Variants in SLC44A5 observed in about 807,000 individuals in gnomAD.
SLC44A5 encodes choline transporter-like protein 5.
SLC44A5 carries 57 observed loss-of-function variants against 101.8 expected under a neutral mutation model. That is an observed-to-expected ratio of 0.56 (90% confidence interval 0.45 to 0.70). The LOEUF (loss-of-function observed/expected upper bound fraction) is 0.70. Among genes scored for constraint, SLC44A5 ranks in the 30% least tolerant of loss-of-function variants. The pLI is 0.00. For missense variants in SLC44A5, 737 were observed against 853.1 expected (o/e 0.86, Z 1.70); for synonymous variants, 281 against 290.9 (o/e 0.97, Z 0.35).
chr1:75,711,735 T>C, the SLC44A5 span, among the ~76,000 whole-genome samples: 10 of 152,342 alleles, frequency 6.6e-5, no homozygotes, highest in African/African-American at 2.4e-4. Context: ...ATGTGTTCTA[T>C]CTTGTTTGTC....
intron 13 of SLC44A5, 128 bp from the exon 14 acceptor site, chr1:75,222,588 G>A (rs1321006533): frequency 1.7e-6 from 1 of 576,192 alleles, no homozygotes; most frequent in Non-Finnish European, 3.1e-6. Context: ...TCTAAGAAGT[G>A]TTATCTCTCC....
chr1:75,454,936 A>G (rs1375204670), intron 2 of SLC44A5, among the ~76,000 whole-genome samples: 1 of 152,152 alleles, frequency 6.6e-6, no homozygotes, highest in African/African-American at 2.4e-5. Flanking sequence ...AAATATCATT[A>G]AAATGAACAT....
intron 2 of SLC44A5, among the ~76,000 whole-genome samples, chr1:75,479,746 GT>G (rs1259451195): frequency 5.9e-5 from 9 of 152,184 alleles, no homozygotes; most frequent in African/African-American, 2.2e-4. Context: ...CTCTGAAATT[GT>G]GGCAATAATC....
the SLC44A5 span, among the ~76,000 whole-genome samples, chr1:75,659,142 A>G: frequency 6.6e-6 from 1 of 151,792 alleles, no homozygotes; most frequent in Non-Finnish European, 1.5e-5. Flanking sequence ...AGAGTTTCCC[A>G]TCAAAGAAAA....
intron 6 of SLC44A5, among the ~76,000 whole-genome samples, chr1:75,267,423 G>A (rs929850843): frequency 1.6e-4 from 24 of 151,832 alleles, no homozygotes; most frequent in African/African-American, 4.4e-4. Context: ...TGGAAAATTC[G>A]GTAGGAATAT....
chr1:75,700,183 C>T, the SLC44A5 span, among the ~76,000 whole-genome samples: 5 of 152,228 alleles, frequency 3.3e-5, no homozygotes, highest in African/African-American at 1.2e-4. Context: ...AAATCTCCAC[C>T]CCGAATCAAC....
the SLC44A5 span, among the ~76,000 whole-genome samples, chr1:75,658,245 T>C: frequency 6.6e-6 from 1 of 150,406 alleles, no homozygotes; most frequent in East Asian, 1.9e-4. Flanking sequence ...GGCTAATTTT[T>C]CTATTTTTTT....
intron 18 of SLC44A5, among the ~76,000 whole-genome samples, chr1:75,217,187 C>T (rs1646978870): frequency 6.6e-6 from 1 of 152,042 alleles, no homozygotes; most frequent in African/African-American, 2.4e-5. Context: ...ATTTTCCCAG[C>T]ACCATTAGTT....
intron 6 of SLC44A5, among the ~76,000 whole-genome samples, chr1:75,272,884 C>T (rs563236869): frequency 3.9e-5 from 6 of 151,986 alleles, no homozygotes; most frequent in African/African-American, 7.2e-5. Flanking sequence ...TTTTTTATTC[C>T]GTATGAATTT....
intron 3 of SLC44A5, among the ~76,000 whole-genome samples, chr1:75,386,190 T>G (rs537511817): frequency 6.6e-6 from 1 of 152,130 alleles, no homozygotes; most frequent in African/African-American, 2.4e-5. Context: ...TTCAACATAG[T>G]GTTGGAAGTT....
At chr1:75,483,847 G>A (rs1668007233) in intron 2 of SLC44A5, among the ~76,000 whole-genome samples, 1 of 152,090 alleles carries the variant, frequency 6.6e-6, no homozygotes, top group Admixed American at 6.6e-5. Context: ...TTACAATCAT[G>A]GCAGAAGGCG....
At chr1:75,475,559 C>G (rs2101745644) in intron 2 of SLC44A5, among the ~76,000 whole-genome samples, 2 of 152,350 alleles carry the variant, frequency 1.3e-5, no homozygotes, top group African/African-American at 4.8e-5. Flanking sequence ...TCTTTTCATT[C>G]TGCCAGTTTC....
At chr1:75,508,534 A>C (rs1055784645) in intron 2 of SLC44A5, among the ~76,000 whole-genome samples, 2 of 152,150 alleles carry the variant, frequency 1.3e-5, no homozygotes, top group African/African-American at 4.8e-5. Flanking sequence ...GAGACACAAA[A>C]ATCCATATAA....
At chr1:75,525,192 C>A (rs1025193277) in intron 2 of SLC44A5, among the ~76,000 whole-genome samples, 10 of 152,070 alleles carry the variant, frequency 6.6e-5, no homozygotes, top group African/African-American at 2.4e-4. Context: ...AAGGTATTAA[C>A]CAACAAGTTA....
At chr1:75,383,881 G>A (rs200758667) in intron 3 of SLC44A5, among the ~76,000 whole-genome samples, 1 of 152,034 alleles carries the variant, frequency 6.6e-6, no homozygotes, top group Non-Finnish European at 1.5e-5. Context: ...TACAAGCCAG[G>A]AGAGAGTGGG....
chr1:75,665,137 A>C, the SLC44A5 span, among the ~76,000 whole-genome samples: 1 of 152,120 alleles, frequency 6.6e-6, no homozygotes, highest in Non-Finnish European at 1.5e-5. Flanking sequence ...CAAACAAAAA[A>C]AAGAACTCAA....
intron 2 of SLC44A5, among the ~76,000 whole-genome samples, chr1:75,449,497 G>A (rs1211402760): frequency 1.3e-5 from 2 of 152,076 alleles, no homozygotes; most frequent in Non-Finnish European, 2.9e-5. Flanking sequence ...ACTCTCTTGG[G>A]GTTTTAAGAG....
chr1:75,557,941 T>C (rs187995595), intron 1 of SLC44A5, among the ~76,000 whole-genome samples: 1 of 152,276 alleles, frequency 6.6e-6, no homozygotes, highest in Admixed American at 6.6e-5. Context: ...ATTGATTATA[T>C]ATTAGCACAT....
intron 1 of SLC44A5, among the ~76,000 whole-genome samples, chr1:75,574,638 C>A (rs551559055): frequency 2.1e-4 from 32 of 152,288 alleles, no homozygotes; most frequent in African/African-American, 7.5e-4. Flanking sequence ...CCCTATAGAC[C>A]AAGCCCTGCC....
Sources: allele counts gnomAD v4.1 joint callset (sites outside exome capture counted in the v4.1 genomes callset), GRCh38; gene constraint gnomAD v4.1.1; transcripts MANE v1.5; gene names NCBI Gene and HGNC (gene_info 2026-07-23, HGNC 2026-07-21).